The following SETD2 variants were observed in gnomAD, a reference collection of about 807,000 sequenced individuals.
The protein encoded by SETD2 is SET domain containing 2, histone lysine methyltransferase, also known as histone-lysine N-methyltransferase SETD2.
SETD2 carries 31 observed loss-of-function variants against 242.1 expected under a neutral mutation model. That is an observed-to-expected ratio of 0.13 (90% CI 0.10 to 0.17). The LOEUF is 0.17. Ranked by LOEUF, SETD2 falls within the 10% of genes least tolerant of loss-of-function variation. The pLI is 1.00. For synonymous variants in SETD2, 1,006 were observed against 1,066.5 expected, an observed-to-expected ratio of 0.94 and a Z score of 1.11; for missense variants, 2,481 against 3,046.3, an observed-to-expected ratio of 0.81 and a Z score of 4.37.
chr3:47,049,304 AATATATATATAT>A lies in SETD2; in HGVS notation c.6964-2695_6964-2684del, dbSNP rs55952850. Among the ~76,000 whole-genome samples, 933 of 108,556 alleles carry A rather than the reference AATATATATATAT, an allele frequency of 8.6e-3. 15 individuals are homozygous for A. Among genetic ancestry groups the A allele is most frequent in the African/African-American group, 0.023 (713 of 30,548 alleles). 71.2% of individuals were successfully genotyped at this position (108,556 alleles called of 152,430 possible). A position where few individuals can be genotyped will look rare whatever the true frequency, so the allele number is the denominator to read the frequency against. On this transcript the variant is annotated intron_variant, in intron 15 of 20. Transcript: ENST00000409792. ...AGTTTTTTATAGAATAAGTTTTCTA[AATATATATATAT>A]ATATATATATATATATATATATATA... is the stretch of plus-strand genomic sequence containing the variant.
At chr3:47,134,259 A>C (rs907661814) in intron 1 of SETD2, among the ~76,000 whole-genome samples, 1 of 152,166 alleles carries the variant, frequency 6.6e-6, no homozygotes, top group African/African-American at 2.4e-5. Context: ...GGGGGGGAAA[A>C]GTTTGGAACG....
Position 47,100,870 on chromosome 3 carries a change from C to T in SETD2, c.5015+588G>A, listed in dbSNP as rs147473525. 1.5e-3 allele frequency among the ~76,000 whole-genome samples: 234 copies of T among 151,494 alleles called. 7 individuals carry two copies. The East Asian group carries it at 0.038, about 25-fold the overall frequency. ...CTAAAAATACAAAAAATTAGCTGGGCGTGGTGGCGGGCGCCTGTAGTACCA... is the reference window on the plus strand; with the variant it reads ...CTAAAAATACAAAAAATTAGCTGGGTGTGGTGGCGGGCGCCTGTAGTACCA... On this transcript the variant is annotated intron_variant, in intron 8 of 20. Coordinates refer to ENST00000409792, the MANE Select transcript of SETD2 (RefSeq NM_014159.7).
At chr3:47,125,358 C>G (rs745308915) in intron 2 of SETD2, among the ~76,000 whole-genome samples, 3 of 151,110 alleles carry the variant, frequency 2.0e-5, no homozygotes, top group Non-Finnish European at 4.4e-5. Context: ...AAAAAACATA[C>G]TCATCTGTGA....
chr3:47,060,768 T>C (rs1033002820), intron 14 of SETD2, among the ~76,000 whole-genome samples: 1 of 152,090 alleles, frequency 6.6e-6, no homozygotes, highest in Non-Finnish European at 1.5e-5. Flanking sequence ...AATTAATAAA[T>C]TCCATGTATC....
chr3:47,057,104 G>A lies in SETD2; in HGVS notation c.6680C>T (p.Pro2227Leu). The A allele has an allele frequency of 6.2e-7, 1 of 1,614,254 alleles. No homozygotes were observed. Among genetic ancestry groups the A allele is most frequent in the Non-Finnish European group, 8.5e-7 (1 of 1,180,038 alleles). ...AACTTCCACAGGAGCTGCCACATGT[G>A]GCACCACTGGTACTGGTGGAGGGGC... ...LSAPPPVPVV[P>L]HVAAPVEVSS... The change falls in exon 15 of 21, where the codon CCA becomes CTA. Residue 2227 changes from proline to leucine, a missense_variant. Transcript: ENST00000409792.
intron 17 of SETD2, 138 bp from the exon 18 acceptor site, chr3:47,037,915 A>G (rs1299336957): frequency 3.2e-6 from 2 of 623,386 alleles, no homozygotes; most frequent in Non-Finnish European, 5.8e-6. Context: ...TTAAAGACAA[A>G]CTTTTTCTAT....
chr3:47,058,450 A>AC (rs2040175291), intron 14 of SETD2, among the ~76,000 whole-genome samples: 1 of 148,732 alleles, frequency 6.7e-6, no homozygotes, highest in East Asian at 2.0e-4. Context: ...CAAAAAAAAA[A>AC]AAAAAAAAAA....
At chr3:47,070,235 A>G (rs1038187758) in intron 12 of SETD2, among the ~76,000 whole-genome samples, 3 of 152,232 alleles carry the variant, frequency 2.0e-5, no homozygotes, top group African/African-American at 7.2e-5. Context: ...TCAACTACTA[A>G]GTTGAAAATG....
chr3:47,111,357 C>A (rs1327580751), intron 5 of SETD2, among the ~76,000 whole-genome samples: 1 of 151,868 alleles, frequency 6.6e-6, no homozygotes, highest in Non-Finnish European at 1.5e-5. Flanking sequence ...CAATTAAAAA[C>A]CAGTTATGAG....
At chr3:47,103,992 T>C (rs983003170) in intron 6 of SETD2, among the ~76,000 whole-genome samples, 10 of 152,210 alleles carry the variant, frequency 6.6e-5, no homozygotes, top group African/African-American at 2.4e-4. Flanking sequence ...GTGGGCTATG[T>C]CACAATGCCA....
chr3:47,077,237 T>C (rs1226682160), intron 12 of SETD2, among the ~76,000 whole-genome samples: 1 of 151,992 alleles, frequency 6.6e-6, no homozygotes, highest in Non-Finnish European at 1.5e-5. Flanking sequence ...GGCACTGCCA[T>C]CGTGCCCGGC....
intron 1 of SETD2, among the ~76,000 whole-genome samples, chr3:47,151,827 CAAAAA>C (rs11360089): frequency 3.0e-5 from 3 of 99,916 alleles, no homozygotes; most frequent in Admixed American, 2.1e-4. Context: ...ACTCTTGTCT[CAAAAA>C]AAAAAAAAAA....
intron 9 of SETD2, among the ~76,000 whole-genome samples, chr3:47,090,056 T>C (rs1419806823): frequency 1.3e-5 from 2 of 152,140 alleles, no homozygotes; most frequent in African/African-American, 2.4e-5. Context: ...AAGACGAGCC[T>C]GGCCAACATG....
intron 17 of SETD2, among the ~76,000 whole-genome samples, 170 bp downstream of exon 17, chr3:47,042,391 A>G (rs1184896213): frequency 6.6e-6 from 1 of 152,128 alleles, no homozygotes; most frequent in Non-Finnish European, 1.5e-5. Flanking sequence ...AAAAGAACCA[A>G]AGTCTAACGT....
intron 6 of SETD2, chr3:47,105,618 CGCT>C: frequency 2.4e-6 from 1 of 416,338 alleles, no homozygotes; most frequent in Non-Finnish European, 4.7e-6. Context: ...TCATTTTTGT[CGCT>C]TAATATATTT....
intron 12 of SETD2, among the ~76,000 whole-genome samples, chr3:47,074,722 C>G (rs990164245): frequency 6.7e-6 from 1 of 149,326 alleles, no homozygotes; most frequent in African/African-American, 2.6e-5. Context: ...TATATACACG[C>G]CCCTGTTAGA....
Position 47,121,123 on chromosome 3 carries a change from T to C in SETD2, c.3513A>G (p.Thr1171=), listed in dbSNP as rs756272793. Residue 1171 remains threonine, a synonymous_variant, in exon 3 of 21, where the codon ACA becomes ACG. Coordinates refer to ENST00000409792, the MANE Select transcript of SETD2 (RefSeq NM_014159.7). ...GGTCAGATTTCACATCTGTATGACT[T>C]GTACTATCAACCCCATCACTCTGAG... ...SHPQSDGVDS[T]SHTDVKSDPL... is the part of the protein sequence containing the mutation. The C allele has an allele frequency of 6.2e-7, 1 of 1,614,188 alleles. No individual in the cohort carries two copies. Among genetic ancestry groups the C allele is most frequent in the Non-Finnish European group, 8.5e-7 (1 of 1,180,034 alleles).
intron 5 of SETD2, among the ~76,000 whole-genome samples, chr3:47,107,697 A>C (rs2042480422): frequency 7.2e-6 from 1 of 139,268 alleles, no homozygotes; most frequent in South Asian, 2.7e-4. Flanking sequence ...TCCCTCAAGA[A>C]AAAGAAAAGT....
intron 14 of SETD2, among the ~76,000 whole-genome samples, chr3:47,059,451 G>A (rs548781834): frequency 6.9e-6 from 1 of 144,180 alleles, no homozygotes; most frequent in African/African-American, 2.6e-5. Context: ...ACGGAGTCTT[G>A]CTCTGTCACC....
Sources: gnomAD v4.1 joint callset for allele counts (sites outside exome capture counted in the v4.1 genomes callset) on GRCh38, gnomAD v4.1.1 for gene constraint, MANE v1.5 for transcripts, NCBI Gene and HGNC (gene_info 2026-07-23, HGNC 2026-07-21) for gene names.